Variants in SH3D19 observed in about 807,000 individuals in gnomAD.
The protein encoded by SH3D19 is SH3 domain-containing protein 19.
Under a neutral mutation model 112.1 loss-of-function variants are expected in SH3D19, and 58 were observed. The ratio of observed to expected loss-of-function variants is 0.52; its 90% CI spans 0.42 to 0.64. The LOEUF is 0.64. Ranked by LOEUF, SH3D19 falls within the 30% of genes least tolerant of loss-of-function variation. The pLI is 0.00. For missense variants in SH3D19, 1,090 were observed against 1,263.4 expected (o/e 0.86, Z 2.08); for synonymous variants, 391 against 448.5 (o/e 0.87, Z 1.62).
At chr4:151,272,961 A>ATTTTC (rs1773330093) in intron 1 of SH3D19, among the ~76,000 whole-genome samples, 1 of 151,934 alleles carries the variant, frequency 6.6e-6, no homozygotes, top group Non-Finnish European at 1.5e-5. Flanking sequence ...GTAAGTGGTG[A>ATTTTC]TTTTCTAATG....
intron 1 of SH3D19, among the ~76,000 whole-genome samples, chr4:151,324,550 T>C (rs548577462): frequency 1.3e-4 from 20 of 152,192 alleles, no homozygotes; most frequent in Non-Finnish European, 2.5e-4. Context: ...GGTGTGGATC[T>C]ACACTTATTC....
At chr4:151,189,545 C>T (rs903247702) in intron 2 of SH3D19, among the ~76,000 whole-genome samples, 3 of 152,094 alleles carry the variant, frequency 2.0e-5, no homozygotes, top group Non-Finnish European at 4.4e-5. Context: ...ATTATGGGGG[C>T]AGGTTTTTCC....
intron 1 of SH3D19, chr4:151,279,759 C>G: frequency 6.2e-7 from 1 of 1,602,316 alleles, no homozygotes; most frequent in Non-Finnish European, 8.5e-7. Flanking sequence ...AACAGGACTC[C>G]TAGGTTTCCA....
intron 7 of SH3D19, among the ~76,000 whole-genome samples, chr4:151,169,745 C>T (rs900385560): frequency 6.6e-6 from 1 of 152,154 alleles, no homozygotes; most frequent in Non-Finnish European, 1.5e-5. Context: ...TAACCTTTGA[C>T]TAGTAGTCCC....
At position 151,325,242 on chromosome 4, in the gene SH3D19, T is replaced by G. The variant is rs1730937540; in HGVS notation, c.111A>C (p.Ala37=). ...CGCCCCGTCCCCCGCGCCTCTCACC[T>G]GCGGCCGAGTGGCCCGAGAGCGCAC... ...RGRALSGHSA[A]DRNERNKPEH... The change falls in exon 1 of 20, where the codon GCA becomes GCC. Residue 37 remains alanine (A), a splice_region_variant and synonymous_variant. Coordinates refer to ENST00000604030, the MANE Select transcript of SH3D19 (RefSeq NM_001378122.1). 8.2e-7 allele frequency: 1 copy of G among 1,219,642 alleles called. No homozygotes were observed. The highest frequency in any genetic ancestry group is 1.0e-6 in the Non-Finnish European group (1 of 979,884). The allele number at this position is 1,219,642 out of a possible 1,614,324, so 75.6% of individuals were successfully genotyped here. A position where few individuals can be genotyped will look rare whatever the true frequency, so the allele number is the denominator to read the frequency against.
chr4:151,310,759 A>AT (rs1729373132), intron 1 of SH3D19, among the ~76,000 whole-genome samples: 1 of 151,446 alleles, frequency 6.6e-6, no homozygotes, highest in African/African-American at 2.4e-5. Context: ...TTTAGTAGAG[A>AT]CGGGGTTTCA....
chr4:151,309,365 T>C (rs539481678), intron 1 of SH3D19, among the ~76,000 whole-genome samples: 1 of 152,278 alleles, frequency 6.6e-6, no homozygotes, highest in African/African-American at 2.4e-5. Flanking sequence ...AGGAGTTGAC[T>C]AAAATCCATG....
At chr4:151,144,132 C>T in intron 11 of SH3D19, 82 bp from the exon 12 acceptor site, 1 of 1,588,752 alleles carries the variant, frequency 6.3e-7, no homozygotes, top group East Asian at 2.2e-5. Context: ...TCTTTGGAGC[C>T]TAAAGCATTT....
At chr4:151,158,265 A>C (rs544703274) in intron 9 of SH3D19, among the ~76,000 whole-genome samples, 1 of 152,256 alleles carries the variant, frequency 6.6e-6, no homozygotes, top group South Asian at 2.1e-4. Flanking sequence ...TGGGCTTCCC[A>C]TAAAGTCCTC....
chr4:151,299,633 T>TAC (rs5862958), intron 1 of SH3D19, among the ~76,000 whole-genome samples: 53,440 of 149,962 alleles, frequency 0.36, 10,579 homozygotes, highest in Non-Finnish European at 0.46. Context: ...CAAAGCCAAG[T>TAC]TTGGATTTTA....
intron 8 of SH3D19, among the ~76,000 whole-genome samples, chr4:151,163,659 C>T (rs1757517458): frequency 6.6e-6 from 1 of 151,710 alleles, no homozygotes. Context: ...TCGCTCACTG[C>T]AACCTCCACC....
chr4:151,255,909 G>A (rs774846279), intron 1 of SH3D19, among the ~76,000 whole-genome samples: 12 of 152,228 alleles, frequency 7.9e-5, no homozygotes, highest in African/African-American at 2.2e-4. Context: ...GCAGGCATTC[G>A]GCAGGCTGTC....
In SH3D19 at chr4:151,128,245, C is replaced by T. The variant is rs1749858041; in HGVS notation, c.2854G>A (p.Asp952Asn). 1 of 1,614,148 alleles carries T rather than the reference C, an allele frequency of 6.2e-7. No homozygotes were observed. The highest frequency in any genetic ancestry group is 1.1e-5 in the South Asian group (1 of 91,066). Reference sequence around the variant, plus strand: ...AGTCTGCCCCTGCACCAGTCAGAATCCAGACGTTCCAGAATCTGGATCCGG... The same window carrying T: ...AGTCTGCCCCTGCACCAGTCAGAATTCAGACGTTCCAGAATCTGGATCCGG... ...GDRIQILERL[D>N]SDWCRGRLQD... Residue 952 changes from aspartate (D) to asparagine (N), a missense_variant, in exon 18 of 20, where the codon GAT becomes AAT. By Grantham distance (23) the Asp-to-Asn change is conservative (BLOSUM62 1). Transcript: ENST00000604030.
intron 2 of SH3D19, among the ~76,000 whole-genome samples, chr4:151,208,785 C>T (rs997427125): frequency 1.3e-5 from 2 of 151,870 alleles, no homozygotes; most frequent in African/African-American, 2.4e-5. Flanking sequence ...TCACGCCATT[C>T]ACCTGCCTTA....
At chr4:151,253,195 C>T (rs1468844572) in intron 1 of SH3D19, among the ~76,000 whole-genome samples, 2 of 152,212 alleles carry the variant, frequency 1.3e-5, no homozygotes, top group Non-Finnish European at 2.9e-5. Flanking sequence ...TATTTCTCAC[C>T]GCTGGAGCCC....
chr4:151,296,937 T>C (rs1367887115), intron 1 of SH3D19, among the ~76,000 whole-genome samples: 1 of 152,202 alleles, frequency 6.6e-6, no homozygotes, highest in East Asian at 1.9e-4. Flanking sequence ...AGAAAAAGGA[T>C]TCAGAATAAT....
At chr4:151,273,162 C>T (rs546858266) in intron 1 of SH3D19, among the ~76,000 whole-genome samples, 1 of 152,180 alleles carries the variant, frequency 6.6e-6, no homozygotes, top group South Asian at 2.1e-4. Flanking sequence ...TTATTTCCAA[C>T]TAAATTTAAC....
rs1384221955 is a variant in SH3D19 at position 151,187,869 on chromosome 4, T to C, written c.153-406A>G. The stretch of plus-strand genomic sequence containing the variant: ...CAAAGTACATAATCTATATAGTCAA[T>C]TTGACCTAAGGAACAACAGCATTTC... On this transcript the variant is annotated intron_variant, in intron 2 of 19. Transcript: ENST00000604030. Among the ~76,000 whole-genome samples the C allele has an allele frequency of 9.2e-5, 14 of 152,142 alleles. 1 individual carries two copies. Among genetic ancestry groups the C allele is most frequent in the Admixed American group, 9.2e-4 (14 of 15,276 alleles).
chr4:151,224,721 T>A (rs1300431290), intron 2 of SH3D19, among the ~76,000 whole-genome samples: 1 of 152,194 alleles, frequency 6.6e-6, no homozygotes, highest in Non-Finnish European at 1.5e-5. Context: ...TTTTTATTTT[T>A]AACAGAGATG....
Sources: gnomAD v4.1 joint callset for allele counts (sites outside exome capture counted in the v4.1 genomes callset) on GRCh38, gnomAD v4.1.1 for gene constraint, MANE v1.5 for transcripts, NCBI Gene and HGNC (gene_info 2026-07-23, HGNC 2026-07-21) for gene names.